The following NCKAP5 variants were observed in gnomAD, a reference collection of about 807,000 sequenced individuals.
NCKAP5 encodes the protein NCK associated protein 5, also known as nck-associated protein 5.
A neutral mutation model predicts 167.0 loss-of-function variants in NCKAP5; 92 were observed. That is an observed-to-expected ratio of 0.55 (90% CI 0.47 to 0.66). The LOEUF (loss-of-function observed/expected upper bound fraction) is 0.66. Ranked by LOEUF, NCKAP5 falls within the 30% of genes least tolerant of loss-of-function variation. NCKAP5 has a pLI of 0.00. For missense variants in NCKAP5, 2,378 were observed against 2,315.0 expected, an observed-to-expected ratio of 1.03 and a Z score of -0.56; for synonymous variants, 891 against 877.4, an observed-to-expected ratio of 1.02 and a Z score of -0.27.
intron 16 of NCKAP5, among the ~76,000 whole-genome samples, chr2:132,771,312 G>T (rs1168775207): frequency 6.6e-6 from 1 of 151,838 alleles, no homozygotes; most frequent in Non-Finnish European, 1.5e-5. Context: ...AATTTAAAAT[G>T]GGAAAAAAAA....
At chr2:132,910,087 C>T (rs890493924) in intron 8 of NCKAP5, among the ~76,000 whole-genome samples, 2 of 151,898 alleles carry the variant, frequency 1.3e-5, no homozygotes, top group Admixed American at 1.3e-4. Context: ...ATACCAGCAA[C>T]CATAATATTT....
intron 5 of NCKAP5, among the ~76,000 whole-genome samples, chr2:133,166,618 T>A (rs1310233102): frequency 6.6e-6 from 1 of 152,224 alleles, no homozygotes; most frequent in Non-Finnish European, 1.5e-5. Context: ...TGATGAAGTA[T>A]GTTTCATTCC....
intron 3 of NCKAP5, among the ~76,000 whole-genome samples, chr2:133,387,647 T>G (rs1221673309): frequency 2.6e-5 from 4 of 152,238 alleles, no homozygotes; most frequent in African/African-American, 7.2e-5. Context: ...TTTTCCAGCT[T>G]GGTTTCATTC....
At position 133,313,445 on chromosome 2, in the gene NCKAP5, A is replaced by G. The variant is rs1343894687; in HGVS notation, c.70-10335T>C. ...CAATTTTTAGTTATATTTGACAAAG[A>G]TGCTATTACTAATACTTAGATATTC... On this transcript the variant is annotated intron_variant, in intron 3 of 19. Transcript: ENST00000409261. 2.6e-5 allele frequency among the ~76,000 whole-genome samples: 4 copies of G among 152,196 alleles called. 1 individual carries two copies. The highest frequency in any genetic ancestry group is 5.9e-5 in the Non-Finnish European group (4 of 68,030).
chr2:132,960,496 T>TC (rs1475266485), intron 8 of NCKAP5, among the ~76,000 whole-genome samples: 11 of 152,152 alleles, frequency 7.2e-5, no homozygotes, highest in African/African-American at 2.7e-4. Flanking sequence ...TCCAGAATAT[T>TC]CTGCCATGAC....
chr2:132,862,708 C>T (rs1023544699), intron 10 of NCKAP5, among the ~76,000 whole-genome samples: 25 of 149,420 alleles, frequency 1.7e-4, no homozygotes, highest in African/African-American at 5.9e-4. Context: ...TGCCGTCAGC[C>T]GAGATCGTGC....
At chr2:133,308,689 C>CTTTTTTTTTTTTTTTTTTTTTTTTTT (rs35760716) in intron 3 of NCKAP5, among the ~76,000 whole-genome samples, 1 of 59,254 alleles carries the variant, frequency 1.7e-5, no homozygotes, top group Non-Finnish European at 3.4e-5. Context: ...AAATACAATT[C>CTTTTTTTTTTTTTTTTTTTTTTTTTT]TTTTTTTTTT....
chr2:133,235,571 C>G (rs1053709085), intron 4 of NCKAP5, among the ~76,000 whole-genome samples: 2 of 151,870 alleles, frequency 1.3e-5, no homozygotes, highest in Non-Finnish European at 2.9e-5. Flanking sequence ...AACCCCATCT[C>G]TACAAGAAAA....
At chr2:133,177,805 C>G (rs1037339560) in intron 5 of NCKAP5, among the ~76,000 whole-genome samples, 27 of 152,152 alleles carry the variant, frequency 1.8e-4, no homozygotes, top group African/African-American at 6.5e-4. Context: ...GTGGAGACCA[C>G]CTGGGAAGTC....
In NCKAP5 at chr2:133,303,060, C is replaced by T. The variant is rs1440189066; in HGVS notation, c.120G>A (p.Glu40=). The T allele has an allele frequency of 6.2e-7, 1 of 1,600,918 alleles. No homozygotes were observed. The highest frequency in any genetic ancestry group is 8.5e-7 in the Non-Finnish European group (1 of 1,173,372). The change falls in exon 4 of 20, where the codon GAG becomes GAA. Residue 40 remains glutamate (E), a synonymous_variant. Transcript: ENST00000409261. ...ACCTCCAGAGACTCCTGTGTTGCTC[C>T]TCAAGCTGAGTCAGCAGATGCTCAA... is the stretch of plus-strand genomic sequence containing the variant. ...KYIEHLLTQL[E]EQHRSLWREK...
At chr2:133,169,765 T>C (rs1273693918) in intron 5 of NCKAP5, among the ~76,000 whole-genome samples, 5 of 152,266 alleles carry the variant, frequency 3.3e-5, no homozygotes, top group South Asian at 2.1e-4. Context: ...AGTTAGAAAA[T>C]ACAATTGCTT....
chr2:132,792,037 CTGTTT>C (rs141257195), intron 12 of NCKAP5, among the ~76,000 whole-genome samples: 30,548 of 150,908 alleles, frequency 0.2, 3,407 homozygotes, highest in African/African-American at 0.3. Context: ...TTGAGATGCT[CTGTTT>C]TGTTTTGTTT....
chr2:132,677,746 C>G (rs1312728377), intron 19 of NCKAP5, among the ~76,000 whole-genome samples: 1 of 151,930 alleles, frequency 6.6e-6, no homozygotes, highest in Non-Finnish European at 1.5e-5. Context: ...ACGTGCCTAC[C>G]CCAAGAGGTT....
intron 5 of NCKAP5, among the ~76,000 whole-genome samples, chr2:133,198,206 C>T (rs1446474070): frequency 1.3e-5 from 2 of 151,894 alleles, no homozygotes; most frequent in Non-Finnish European, 2.9e-5. Flanking sequence ...TATCAACAGC[C>T]TCAGAAAGAC....
chr2:132,931,727 C>A (rs189116165), intron 8 of NCKAP5, among the ~76,000 whole-genome samples: 103 of 152,250 alleles, frequency 6.8e-4, no homozygotes, highest in African/African-American at 2.4e-3. Flanking sequence ...TATTTTTCAG[C>A]CTCTTCCTAC....
intron 8 of NCKAP5, among the ~76,000 whole-genome samples, chr2:132,947,099 T>A (rs139726769): frequency 1.3e-5 from 2 of 152,254 alleles, no homozygotes; most frequent in Non-Finnish European, 2.9e-5. Flanking sequence ...ATTTGTCATA[T>A]GCTCAATGTG....
chr2:133,268,009 A>G (rs936886548), intron 4 of NCKAP5, among the ~76,000 whole-genome samples: 4 of 152,266 alleles, frequency 2.6e-5, no homozygotes, highest in African/African-American at 9.6e-5. Flanking sequence ...GGAAATGTCC[A>G]ATTACCTTGA....
intron 8 of NCKAP5, among the ~76,000 whole-genome samples, chr2:132,899,719 A>G (rs1370593190): frequency 3.9e-5 from 6 of 152,176 alleles, no homozygotes; most frequent in African/African-American, 1.4e-4. Context: ...TACTAAAAAT[A>G]CAAAAAATTA....
At chr2:132,691,106 C>T (rs997216768) in intron 19 of NCKAP5, among the ~76,000 whole-genome samples, 2 of 152,190 alleles carry the variant, frequency 1.3e-5, no homozygotes, top group Non-Finnish European at 2.9e-5. Context: ...CCATGCTAGG[C>T]CCTGACCAAT....
Sources: allele counts gnomAD v4.1 joint callset (sites outside exome capture counted in the v4.1 genomes callset), GRCh38; gene constraint gnomAD v4.1.1; transcripts MANE v1.5; gene names NCBI Gene and HGNC (gene_info 2026-07-23, HGNC 2026-07-21).